Variants in IL1RN observed in about 807,000 individuals in gnomAD.
The protein encoded by IL1RN is interleukin-1 receptor antagonist protein.
Under a neutral mutation model 13.7 loss-of-function variants are expected in IL1RN, and 10 were observed. That is an observed-to-expected ratio of 0.73 (90% CI 0.45 to 1.24). The LOEUF (loss-of-function observed/expected upper bound fraction) is 1.24, where lower values mean the gene tolerates loss of function less well. IL1RN is among the 50% of genes most tolerant of loss of function. The pLI is 0.00. For synonymous variants in IL1RN, 102 were observed against 82.7 expected (o/e 1.23, Z -1.27); for missense variants, 213 against 222.1 (o/e 0.96, Z 0.26).
intron 2 of IL1RN, chr2:113,130,271 A>G (rs926988544): frequency 1.2e-5 from 2 of 162,438 alleles, no homozygotes; most frequent in African/African-American, 4.8e-5. Context: ...CCACCTTCCC[A>G]CCTTCCCTAT....
At chr2:113,121,144 TTC>T (rs1686770657) in intron 2 of IL1RN, among the ~76,000 whole-genome samples, 2 of 40,518 alleles carry the variant, frequency 4.9e-5, no homozygotes, top group Non-Finnish European at 1.8e-4. Flanking sequence ...CTTCATCGTC[TTC>T]GTCTTCGTCT....
At chr2:113,122,988 G>A (rs141540409), upstream of IL1RN, among the ~76,000 whole-genome samples, 407 of 152,228 alleles carry the variant, frequency 2.7e-3, 4 homozygotes, top group African/African-American at 9.2e-3. Flanking sequence ...AGTTGGGGGT[G>A]GTGGCACAAG....
upstream of IL1RN, among the ~76,000 whole-genome samples, chr2:113,114,109 G>A (rs1251426335): frequency 6.6e-6 from 1 of 152,220 alleles, no homozygotes; most frequent in Non-Finnish European, 1.5e-5. Context: ...AGGAAGTGCA[G>A]CCAGACGTTG....
In IL1RN at chr2:113,131,080, C is replaced by T; in HGVS notation, c.241C>T (p.Leu81=). 3.7e-6 allele frequency: 6 copies of T among 1,613,682 alleles called. No homozygotes were observed. The highest frequency in any genetic ancestry group is 5.1e-6 in the Non-Finnish European group (6 of 1,179,508). Reference sequence around the variant, plus strand: ...TGTGGTACCCATTGAGCCTCATGCTCTGTTCTTGGGAATCCATGGAGGGAA... The same window carrying T: ...TGTGGTACCCATTGAGCCTCATGCTTTGTTCTTGGGAATCCATGGAGGGAA... ...IDVVPIEPHA[L]FLGIHGGKMC... The change falls in exon 3 of 4, where the codon CTG becomes TTG. Residue 81 remains leucine, a synonymous_variant. Coordinates refer to ENST00000409930, the MANE Select transcript of IL1RN (RefSeq NM_173842.3).
At chr2:113,101,446 C>T in the IL1RN span, among the ~76,000 whole-genome samples, 1 of 152,136 alleles carries the variant, frequency 6.6e-6, no homozygotes, top group Non-Finnish European at 1.5e-5. Flanking sequence ...ATAATTTTTA[C>T]AAGAACATTA....
chr2:113,101,483 T>A, the IL1RN span, among the ~76,000 whole-genome samples: 1 of 151,198 alleles, frequency 6.6e-6, no homozygotes, highest in East Asian at 1.9e-4. Flanking sequence ...GCACCTACTA[T>A]AGCCACTATT....
At chr2:113,118,130 C>T in intron 1 of IL1RN, 1 of 1,590,036 alleles carries the variant, frequency 6.3e-7, no homozygotes, top group Non-Finnish European at 8.6e-7. Context: ...GAGCAAGCGT[C>T]CAGGAAAATG....
chr2:113,117,844 A>G, upstream of IL1RN: 1 of 702,212 alleles, frequency 1.4e-6, no homozygotes, highest in Non-Finnish European at 2.6e-6. Context: ...AGTGTGTGGG[A>G]GGGGAGGCTG....
At chr2:113,124,774 AG>A (rs969628307), upstream of IL1RN, among the ~76,000 whole-genome samples, 11 of 152,094 alleles carry the variant, frequency 7.2e-5, no homozygotes, top group African/African-American at 1.4e-4. Flanking sequence ...GTAATGACAC[AG>A]GGGGATTCAG....
chr2:113,101,791 G>C, the IL1RN span, among the ~76,000 whole-genome samples: 1 of 152,054 alleles, frequency 6.6e-6, no homozygotes, highest in South Asian at 2.1e-4. Context: ...TTTTGAGATG[G>C]AGTTTCTCTC....
upstream of IL1RN, among the ~76,000 whole-genome samples, chr2:113,113,821 G>A (rs1036667465): frequency 2.6e-5 from 4 of 152,312 alleles, no homozygotes; most frequent in African/African-American, 9.6e-5. Flanking sequence ...GCTGGGTGCT[G>A]GGCAGACAAA....
the IL1RN span, among the ~76,000 whole-genome samples, chr2:113,101,295 C>G: frequency 6.6e-6 from 1 of 152,116 alleles, no homozygotes; most frequent in African/African-American, 2.4e-5. Flanking sequence ...GGTTTCCTTC[C>G]ACCTGTGGGA....
At chr2:113,109,269 G>A (rs967065482), upstream of IL1RN, among the ~76,000 whole-genome samples, 34 of 152,172 alleles carry the variant, frequency 2.2e-4, no homozygotes, top group African/African-American at 8.2e-4. Flanking sequence ...AAAATTAGCT[G>A]GGTGTGGGGG....
intron 2 of IL1RN, chr2:113,130,228 TC>T (rs2104457167): frequency 6.0e-6 from 1 of 165,992 alleles, no homozygotes; most frequent in African/African-American, 2.4e-5. Flanking sequence ...ATGTTTTCAC[TC>T]CCCTGTTTGT....
upstream of IL1RN, among the ~76,000 whole-genome samples, chr2:113,105,074 G>A (rs1420223475): frequency 1.3e-5 from 2 of 151,882 alleles, no homozygotes; most frequent in East Asian, 3.8e-4. Flanking sequence ...AATGCACGGA[G>A]GAGATCTTTC....
At chr2:113,099,991 C>T in the IL1RN span, among the ~76,000 whole-genome samples, 1 of 139,710 alleles carries the variant, frequency 7.2e-6, no homozygotes, top group Non-Finnish European at 1.6e-5. Flanking sequence ...GCCTCGGCCT[C>T]CCAAAGTGCT....
Position 113,133,023 on chromosome 2 carries a change from G to A in IL1RN, c.*152G>A, listed in dbSNP as rs957914808. On this transcript the variant is annotated 3_prime_UTR_variant, in exon 4 of 4. Coordinates refer to ENST00000409930, the MANE Select transcript of IL1RN (RefSeq NM_173842.3). Reference sequence around the variant, plus strand: ...AGGCGTCACAACAACCTGGTCACAGGACTCTGCCTCCTCTTCAACTGACCA... The same window carrying A: ...AGGCGTCACAACAACCTGGTCACAGAACTCTGCCTCCTCTTCAACTGACCA... 4.1e-5 allele frequency: 30 copies of A among 735,936 alleles called. No homozygotes were observed. The Admixed American group carries it at 4.9e-4, about 12-fold the overall frequency. 45.6% of individuals were successfully genotyped at this position (735,936 alleles called of 1,614,324 possible).
In IL1RN at chr2:113,133,514, GT is replaced by G. The variant is rs757094565; in HGVS notation, c.*644del. On this transcript the variant is annotated 3_prime_UTR_variant, in exon 4 of 4. Transcript: ENST00000409930. The stretch of plus-strand genomic sequence containing the variant: ...TTCTTTTTTTGTGATGTCCCAACTT[GT>G]AAAAATTAAAAGTTATGGTACTATG... 133 of 156,126 alleles carry G rather than the reference GT, an allele frequency of 8.5e-4. 1 individual carries two copies. Among genetic ancestry groups the G allele is most frequent in the Non-Finnish European group, 2.4e-4 (17 of 70,398 alleles). The allele number at this position is 156,126 out of a possible 1,614,324, so 9.7% of individuals were successfully genotyped here.
chr2:113,133,825 C>G lies in IL1RN; in HGVS notation c.*954C>G, dbSNP rs1428346390. Reference sequence around the variant, plus strand: ...GAAAGATGGCTGTGCCTCTGCCTGTCTCCCCCACCGGGCTGGGAGCTCTGC... The same window carrying G: ...GAAAGATGGCTGTGCCTCTGCCTGTGTCCCCCACCGGGCTGGGAGCTCTGC... On this transcript the variant is annotated 3_prime_UTR_variant, in exon 4 of 4. Transcript: ENST00000409930. 6.5e-6 allele frequency: 1 copy of G among 152,918 alleles called. No homozygotes were observed. The highest frequency in any genetic ancestry group is 1.5e-5 in the Non-Finnish European group (1 of 68,244). The allele number at this position is 152,918 out of a possible 1,614,324, so 9.5% of individuals were successfully genotyped here. A position where few individuals can be genotyped will look rare whatever the true frequency, so the allele number is the denominator to read the frequency against.
Sources: allele counts gnomAD v4.1 joint callset (sites outside exome capture counted in the v4.1 genomes callset), GRCh38; gene constraint gnomAD v4.1.1; transcripts MANE v1.5; gene names NCBI Gene and HGNC (gene_info 2026-07-23, HGNC 2026-07-21).